The following EPB41L4A variants were observed in gnomAD, a reference collection of about 807,000 sequenced individuals.
The protein encoded by EPB41L4A is erythrocyte membrane protein band 4.1 like 4A, also known as band 4.1-like protein 4A.
In EPB41L4A, 100 loss-of-function variants were observed where a neutral mutation model predicts 108.6. That is an observed-to-expected ratio of 0.92 (90% CI 0.78 to 1.09). The LOEUF (loss-of-function observed/expected upper bound fraction) is 1.09, where lower values mean the gene tolerates loss of function less well. Ranked by LOEUF, EPB41L4A falls within the 50% of genes least tolerant of loss-of-function variation. EPB41L4A has a pLI of 0.00. For synonymous variants in EPB41L4A, 319 were observed against 289.0 expected, an observed-to-expected ratio of 1.10 and a Z score of -1.05; for missense variants, 1,030 against 842.7, an observed-to-expected ratio of 1.22 and a Z score of -2.75.
rs1232322738 is a variant in EPB41L4A, at chr5:112,168,739, C to A, written c.1932G>T (p.Gln644His). 4 of 1,611,486 alleles carry A rather than the reference C, an allele frequency of 2.5e-6. No homozygotes were observed. ...TTCTTCAAACCTTACTATTACTAACCTGATGAACTGTAGCATCCCCAGAAC... is the reference window on the plus strand; with the variant it reads ...TTCTTCAAACCTTACTATTACTAACATGATGAACTGTAGCATCCCCAGAAC... ...AQGSGDATVH[Q>H]RRNGSKDSLM... Residue 644 changes from glutamine (Q) to histidine (H), a missense_variant and splice_region_variant, in exon 22 of 23, where the codon CAG becomes CAT. Coordinates refer to ENST00000261486, the MANE Select transcript of EPB41L4A (RefSeq NM_022140.5).
chr5:112,145,289 A>G (rs139616903), intron 13 of EPB41L4A, among the ~76,000 whole-genome samples: 52 of 152,242 alleles, frequency 3.4e-4, no homozygotes, highest in African/African-American at 1.2e-3. Flanking sequence ...GGTTATATAA[A>G]GTGTGGTTCA....
At chr5:112,383,920 A>G (rs1402917180) in intron 1 of EPB41L4A, among the ~76,000 whole-genome samples, 1 of 152,234 alleles carries the variant, frequency 6.6e-6, no homozygotes, top group Non-Finnish European at 1.5e-5. Context: ...GTTAAGTGTA[A>G]AAAAATAAAG....
At chr5:112,174,861 T>A (rs1206610510) in intron 18 of EPB41L4A, among the ~76,000 whole-genome samples, 1 of 152,174 alleles carries the variant, frequency 6.6e-6, no homozygotes, top group Non-Finnish European at 1.5e-5. Flanking sequence ...ATTTAAGGAA[T>A]TCAAAGCACC....
chr5:112,248,006 G>T (rs929972211), intron 9 of EPB41L4A, among the ~76,000 whole-genome samples: 1 of 152,046 alleles, frequency 6.6e-6, no homozygotes, highest in Non-Finnish European at 1.5e-5. Context: ...TATATTAAAG[G>T]ATCAAAAGTG....
At chr5:112,272,444 A>T (rs1561530078) in intron 4 of EPB41L4A, among the ~76,000 whole-genome samples, 1 of 151,560 alleles carries the variant, frequency 6.6e-6, no homozygotes, top group Non-Finnish European at 1.5e-5. Context: ...CCTGGCCCTA[A>T]TTTTTTTAAA....
intron 2 of EPB41L4A, among the ~76,000 whole-genome samples, chr5:112,306,825 T>TAGA (rs1754715653): frequency 6.9e-6 from 1 of 145,752 alleles, no homozygotes; most frequent in African/African-American, 2.7e-5. Flanking sequence ...GAAGACCCTC[T>TAGA]GAATTAACCT....
At chr5:112,342,774 G>A (rs1757399108) in intron 1 of EPB41L4A, among the ~76,000 whole-genome samples, 1 of 152,126 alleles carries the variant, frequency 6.6e-6, no homozygotes, top group Non-Finnish European at 1.5e-5. Flanking sequence ...TGGCAGACTG[G>A]CATACAAAGT....
At chr5:112,253,670 T>A (rs1580536410) in intron 9 of EPB41L4A, among the ~76,000 whole-genome samples, 1 of 152,172 alleles carries the variant, frequency 6.6e-6, no homozygotes, top group Non-Finnish European at 1.5e-5. Flanking sequence ...CGTAACTTAC[T>A]CTCAAGCTGT....
At chr5:112,395,550 C>A (rs1419581531) in intron 1 of EPB41L4A, among the ~76,000 whole-genome samples, 1 of 152,144 alleles carries the variant, frequency 6.6e-6, no homozygotes, top group Admixed American at 6.5e-5. Context: ...AATGAGATAC[C>A]ATCTCATGCC....
intron 1 of EPB41L4A, among the ~76,000 whole-genome samples, chr5:112,332,312 G>A (rs1430646322): frequency 6.6e-6 from 1 of 152,108 alleles, no homozygotes; most frequent in East Asian, 1.9e-4. Context: ...ACACCCTTAG[G>A]TGGGTAGTAC....
intron 1 of EPB41L4A, among the ~76,000 whole-genome samples, chr5:112,334,625 A>G (rs1756799734): frequency 6.6e-6 from 1 of 152,124 alleles, no homozygotes; most frequent in African/African-American, 2.4e-5. Context: ...TAACCCCATC[A>G]TTCCCTTTGT....
intron 4 of EPB41L4A, among the ~76,000 whole-genome samples, chr5:112,272,205 G>C (rs1367740937): frequency 1.4e-5 from 2 of 146,074 alleles, no homozygotes; most frequent in Non-Finnish European, 3.0e-5. Flanking sequence ...CGCAATCTTG[G>C]CTCACTGCAA....
intron 2 of EPB41L4A, among the ~76,000 whole-genome samples, chr5:112,295,529 A>AT (rs1244016680): frequency 1.8e-4 from 28 of 152,140 alleles, no homozygotes; most frequent in East Asian, 7.7e-4. Flanking sequence ...AAAATTCTCC[A>AT]TTCCCAATTT....
At chr5:112,270,760 A>G (rs1407651122) in intron 4 of EPB41L4A, among the ~76,000 whole-genome samples, 8 of 152,200 alleles carry the variant, frequency 5.3e-5, no homozygotes, top group African/African-American at 9.6e-5. Flanking sequence ...AGGAAGCCAA[A>G]TAAAACAAAC....
At chr5:112,320,423 A>C (rs1246350942) in intron 1 of EPB41L4A, among the ~76,000 whole-genome samples, 1 of 152,224 alleles carries the variant, frequency 6.6e-6, no homozygotes, top group Admixed American at 6.5e-5. Flanking sequence ...GAAACATTTC[A>C]CTGAAGTCAT....
chr5:112,305,645 C>G (rs1436213345), intron 2 of EPB41L4A, among the ~76,000 whole-genome samples: 1 of 152,064 alleles, frequency 6.6e-6, no homozygotes, highest in Non-Finnish European at 1.5e-5. Context: ...TTCTCAGAGC[C>G]TCCTACAATT....
chr5:112,309,678 A>G (rs1754921117), intron 1 of EPB41L4A, among the ~76,000 whole-genome samples: 1 of 152,174 alleles, frequency 6.6e-6, no homozygotes, highest in South Asian at 2.1e-4. Context: ...TAATTGTGTT[A>G]TGCTATATGG....
intron 1 of EPB41L4A, among the ~76,000 whole-genome samples, chr5:112,320,746 T>A (rs1471357770): frequency 1.3e-5 from 2 of 152,206 alleles, no homozygotes; most frequent in Non-Finnish European, 2.9e-5. Flanking sequence ...TACGTAGTGA[T>A]GGGAAGATCA....
chr5:112,384,021 A>G (rs944245542), intron 1 of EPB41L4A, among the ~76,000 whole-genome samples: 3 of 152,240 alleles, frequency 2.0e-5, no homozygotes, highest in African/African-American at 4.8e-5. Context: ...AAAAGACAAC[A>G]TATTATATGA....
Sources: gnomAD v4.1 joint callset for allele counts (sites outside exome capture counted in the v4.1 genomes callset) on GRCh38, gnomAD v4.1.1 for gene constraint, MANE v1.5 for transcripts, NCBI Gene and HGNC (gene_info 2026-07-23, HGNC 2026-07-21) for gene names.